The following CFAP43 variants were observed in gnomAD, a reference collection of about 807,000 sequenced individuals.
CFAP43 encodes the protein cilia and flagella associated protein 43.
A neutral mutation model predicts 218.9 loss-of-function variants in CFAP43; 155 were observed. That is an observed-to-expected ratio of 0.71 (90% CI 0.62 to 0.81). CFAP43 has a LOEUF of 0.81. Ranked by LOEUF, CFAP43 falls within the 30% of genes least tolerant of loss-of-function variation. The pLI, the probability that CFAP43 is intolerant of heterozygous loss-of-function variation, is 0.00. For missense variants in CFAP43, 1,778 were observed against 1,954.3 expected (o/e 0.91, Z 1.70); for synonymous variants, 645 against 681.3 (o/e 0.95, Z 0.83).
At position 104,182,450 on chromosome 10, in the gene CFAP43, C is replaced by T; in HGVS notation, c.2205G>A (p.Leu735=). ...LDYYQKLLIS[L]SSAMDKENHY... ...GATTCTCCTTGTCCATGGCGCTGCT[C>T]AGGGAAATTAATAGTTTCTGGTAAT... Residue 735 remains leucine (L), a synonymous_variant, in exon 17 of 38, where the codon CTG becomes CTA. Coordinates refer to ENST00000357060, the MANE Select transcript of CFAP43 (RefSeq NM_025145.7). 1 of 1,612,578 alleles carries T rather than the reference C, an allele frequency of 6.2e-7. No homozygotes were observed.
At chr10:104,209,032 T>C (rs1310112991) in intron 5 of CFAP43, among the ~76,000 whole-genome samples, 2 of 152,200 alleles carry the variant, frequency 1.3e-5, no homozygotes, top group African/African-American at 4.8e-5. Context: ...TTGATGTTTG[T>C]AATTTTTTAA....
intron 29 of CFAP43, 38 bp from the exon 30 acceptor site, chr10:104,146,387 A>G: frequency 6.5e-7 from 1 of 1,535,888 alleles, no homozygotes; most frequent in South Asian, 1.1e-5. Flanking sequence ...GAAACTGGAG[A>G]CTTTCCAGCA....
chr10:104,179,054 T>C lies in CFAP43; in HGVS notation c.2435A>G (p.Gln812Arg). 2 of 1,613,428 alleles carry C rather than the reference T, an allele frequency of 1.2e-6. No homozygotes were observed. Among genetic ancestry groups the C allele is most frequent in the Non-Finnish European group, 1.7e-6 (2 of 1,179,660 alleles). The change falls in exon 19 of 38, where the codon CAA (glutamine) becomes CGA (arginine). Residue 812 changes from glutamine to arginine, a missense_variant. By Grantham distance (43) the Gln-to-Arg change is conservative. This residue lies in a region of CFAP43 where 1,553 missense variants were observed against 1,685.2 expected (regional missense o/e 0.92). Coordinates refer to ENST00000357060, the MANE Select transcript of CFAP43 (RefSeq NM_025145.7). ...LFSKKRKEIK[Q>R]GIKSLSKTIL... ...AGTTTTGGAAAGTGATTTGATTCCT[T>C]GTTTTATCTCTTTCCTTTTCTTGGA...
chr10:104,145,586 G>C, intron 30 of CFAP43, 22 bp from the exon 31 acceptor site: 1 of 1,529,666 alleles, frequency 6.5e-7, no homozygotes, highest in Non-Finnish European at 9.0e-7. Context: ...CATGACATTT[G>C]AGGACTGCAA....
chr10:104,192,661 T>C (rs2090265139), intron 11 of CFAP43: 2 of 225,362 alleles, frequency 8.9e-6, no homozygotes, highest in Non-Finnish European at 1.7e-5. Flanking sequence ...TTCATTACCC[T>C]GTGTCTGGTA....
At chr10:104,152,825 C>A (rs910066140) in intron 27 of CFAP43, 99 bp from the exon 28 acceptor site, 31 of 1,356,720 alleles carry the variant, frequency 2.3e-5, no homozygotes, top group Non-Finnish European at 2.7e-5. Flanking sequence ...AGATGGAGGG[C>A]AGCCCTTGCA....
intron 7 of CFAP43, among the ~76,000 whole-genome samples, chr10:104,204,475 A>C (rs2134951904): frequency 6.6e-6 from 1 of 152,364 alleles, no homozygotes; most frequent in South Asian, 2.1e-4. Context: ...TGGGGACTTT[A>C]GATGGCTGGT....
At position 104,214,375 on chromosome 10, in the gene CFAP43, A is replaced by G. The variant is rs774261695; in HGVS notation, c.468T>C (p.Asp156=). ...TGGGGTTAAAAGACATTTGGTTCAC[A>G]TCCATTCCAGGCTGTGATTTCTTAC... ...ILCKKSQPGM[D]VNQMSFNPMN... Residue 156 remains aspartate, a synonymous_variant, in exon 4 of 38, where the codon GAT becomes GAC. Transcript: ENST00000357060. 6.2e-7 allele frequency: 1 copy of G among 1,609,826 alleles called. No homozygotes were observed. Among genetic ancestry groups the G allele is most frequent in the South Asian group, 1.1e-5 (1 of 90,430 alleles).
At chr10:104,169,432 C>T (rs1423085691) in intron 20 of CFAP43, among the ~76,000 whole-genome samples, 1 of 152,134 alleles carries the variant, frequency 6.6e-6, no homozygotes, top group Non-Finnish European at 1.5e-5. Context: ...GGGGATCATA[C>T]AATCTGTGTT....
intron 35 of CFAP43, 141 bp from the exon 36 acceptor site, chr10:104,132,337 CGTG>C (rs1564703885): frequency 1.5e-6 from 1 of 667,464 alleles, no homozygotes; most frequent in East Asian, 3.1e-5. Flanking sequence ...CTTGGCCAGG[CGTG>C]GTGGCATACG....
intron 27 of CFAP43, among the ~76,000 whole-genome samples, chr10:104,154,844 G>A (rs2088456184): frequency 1.3e-5 from 2 of 152,142 alleles, no homozygotes; most frequent in South Asian, 4.1e-4. Context: ...GGCCTCTTCA[G>A]TCTTTCTCAC....
intron 3 of CFAP43, among the ~76,000 whole-genome samples, chr10:104,222,499 G>A (rs542487995): frequency 2.1e-4 from 32 of 152,310 alleles, no homozygotes; most frequent in South Asian, 8.3e-4. Context: ...GGGCACCTCT[G>A]CTGCCGCAGA....
chr10:104,135,071 C>T (rs973872015), intron 34 of CFAP43, among the ~76,000 whole-genome samples: 6 of 151,942 alleles, frequency 3.9e-5, no homozygotes, highest in Middle Eastern at 3.4e-3. Context: ...AAGAGTAGTC[C>T]GCACAATCAA....
intron 17 of CFAP43, 101 bp from the exon 18 acceptor site, chr10:104,180,033 A>G (rs767328062): frequency 2.3e-6 from 2 of 867,772 alleles, no homozygotes; most frequent in Non-Finnish European, 3.7e-6. Flanking sequence ...ATTCCTTTGT[A>G]TTTGTTGCAT....
intron 2 of CFAP43, among the ~76,000 whole-genome samples, chr10:104,228,381 A>G (rs1007084421): frequency 6.6e-6 from 1 of 151,878 alleles, no homozygotes; most frequent in Non-Finnish European, 1.5e-5. Context: ...TTCTGTCCCA[A>G]GTCTTCAACT....
chr10:104,156,326 G>T (rs2088541802), intron 27 of CFAP43, among the ~76,000 whole-genome samples: 1 of 152,112 alleles, frequency 6.6e-6, no homozygotes, highest in Non-Finnish European at 1.5e-5. Flanking sequence ...TAATATGTTG[G>T]TGTATTCTTA....
chr10:104,205,735 T>C (rs2090668126), intron 7 of CFAP43, among the ~76,000 whole-genome samples: 3 of 152,182 alleles, frequency 2.0e-5, no homozygotes, highest in South Asian at 2.1e-4. Context: ...TCTATTTGTG[T>C]TTGTTTGCAG....
rs754995179 is a variant in CFAP43 at position 104,161,134 on chromosome 10, T to A, written c.3443A>T (p.Lys1148Ile). The A allele has an allele frequency of 2.5e-6, 4 of 1,613,702 alleles. No individual in the cohort carries two copies. Among genetic ancestry groups the A allele is most frequent in the East Asian group, 4.5e-5 (2 of 44,852 alleles). Residue 1148 changes from lysine (K) to isoleucine (I), a missense_variant, in exon 27 of 38, where the codon AAA (lysine) becomes ATA (isoleucine). By Grantham distance (102) the Lys-to-Ile change is moderately radical. Coordinates refer to ENST00000357060, the MANE Select transcript of CFAP43 (RefSeq NM_025145.7). ...MVIPQPAFMA[K>I]PDAVWTEEER... ...TTCTTCAGTCCACACAGCATCAGGT[T>A]TTGCCATGAAAGCAGGTTGAGGAAT...
intron 37 of CFAP43, among the ~76,000 whole-genome samples, chr10:104,130,696 G>A (rs1452614208): frequency 6.6e-6 from 1 of 152,102 alleles, no homozygotes; most frequent in Admixed American, 6.5e-5. Flanking sequence ...ACATAAAGAT[G>A]GTAACAGGGA....
Sources: gnomAD v4.1 joint callset for allele counts (sites outside exome capture counted in the v4.1 genomes callset) on GRCh38, gnomAD v4.1.1 for gene constraint, gnomAD v4.1.1 regional missense constraint, MANE v1.5 for transcripts, NCBI Gene and HGNC (gene_info 2026-07-23, HGNC 2026-07-21) for gene names.